The following WDR7 variants were observed in gnomAD, a reference collection of about 807,000 sequenced individuals.
WDR7 encodes WD repeat-containing protein 7.
WDR7 carries 46 observed loss-of-function variants against 169.4 expected under a neutral mutation model. The ratio of observed to expected loss-of-function variants is 0.27; its 90% CI spans 0.21 to 0.35. WDR7 has a LOEUF of 0.35. Among genes scored for constraint, WDR7 ranks in the 10% least tolerant of loss-of-function variants. The pLI is 1.00. For synonymous variants in WDR7, 612 were observed against 666.8 expected (o/e 0.92, Z 1.27); for missense variants, 1,534 against 1,859.3 (o/e 0.83, Z 3.22).
chr18:56,789,221 A>C (rs536936916), intron 19 of WDR7, among the ~76,000 whole-genome samples: 138 of 152,368 alleles, frequency 9.1e-4, no homozygotes, highest in Middle Eastern at 3.4e-3. Context: ...TTGAGTTAAC[A>C]TTTAATATTC....
intron 19 of WDR7, among the ~76,000 whole-genome samples, chr18:56,784,927 T>TG (rs902329018): frequency 1.3e-5 from 2 of 152,128 alleles, no homozygotes; most frequent in African/African-American, 4.8e-5. Context: ...GTTTTTTTTT[T>TG]TGTGAAAGAC....
At position 56,988,682 on chromosome 18, in the gene WDR7, T is replaced by TA. The variant is rs757600407; in HGVS notation, c.4164+26161dup. 1.2e-4 allele frequency among the ~76,000 whole-genome samples: 18 copies of TA among 147,120 alleles called. No homozygotes were observed. The East Asian group carries it at 3.1e-3, about 25-fold the overall frequency. On this transcript the variant is annotated intron_variant, in intron 26 of 27. Transcript: ENST00000254442. ...CAGCAGTTAATAGACCCTACTCCAATAAAAAAAATTGGGCATTCTTATAAA... is the reference window on the plus strand; with the variant it reads ...CAGCAGTTAATAGACCCTACTCCAATAAAAAAAAATTGGGCATTCTTATAAA...
intron 27 of WDR7, among the ~76,000 whole-genome samples, chr18:57,023,123 G>A (rs1362016097): frequency 1.3e-5 from 2 of 152,192 alleles, no homozygotes; most frequent in Non-Finnish European, 2.9e-5. Flanking sequence ...ACAAAAACAA[G>A]TCCTTTCAGC....
At chr18:56,757,417 A>G in intron 15 of WDR7, 65 bp downstream of exon 15, 1 of 1,423,290 alleles carries the variant, frequency 7.0e-7, no homozygotes. Flanking sequence ...TTATTTTTTC[A>G]TTGTTGATTA....
At chr18:56,681,466 G>A in intron 4 of WDR7, 75 bp downstream of exon 4, 1 of 982,766 alleles carries the variant, frequency 1.0e-6, no homozygotes, top group Non-Finnish European at 1.4e-6. Flanking sequence ...AAAACATTGA[G>A]CCTATATTTT....
chr18:56,701,354 TTTTA>T (rs1333196319), intron 12 of WDR7, among the ~76,000 whole-genome samples: 3 of 152,264 alleles, frequency 2.0e-5, no homozygotes, highest in Non-Finnish European at 4.4e-5. Context: ...ATTTCTGTTT[TTTTA>T]AGAGTATATA....
At chr18:56,736,615 C>T (rs938316090) in intron 14 of WDR7, among the ~76,000 whole-genome samples, 4 of 151,040 alleles carry the variant, frequency 2.6e-5, no homozygotes, top group Non-Finnish European at 5.9e-5. Flanking sequence ...TACAGTTTGT[C>T]AGAGAAATGA....
At chr18:57,011,378 A>G (rs2048134237) in intron 26 of WDR7, among the ~76,000 whole-genome samples, 1 of 152,248 alleles carries the variant, frequency 6.6e-6, no homozygotes, top group Non-Finnish European at 1.5e-5. Flanking sequence ...AGAAATAAAG[A>G]GAGCCTGTTT....
chr18:56,977,897 T>C (rs2047589981), intron 26 of WDR7, among the ~76,000 whole-genome samples: 1 of 152,208 alleles, frequency 6.6e-6, no homozygotes, highest in African/African-American at 2.4e-5. Context: ...ATTGTTACTG[T>C]GTTGCTGTAA....
At chr18:56,754,260 T>C (rs1038625477) in intron 14 of WDR7, among the ~76,000 whole-genome samples, 1 of 143,004 alleles carries the variant, frequency 7.0e-6, no homozygotes, top group African/African-American at 2.6e-5. Flanking sequence ...TGTGTGTGTG[T>C]GTGTGTGTGT....
At chr18:56,697,416 C>T (rs182215366) in intron 12 of WDR7, among the ~76,000 whole-genome samples, 1 of 152,234 alleles carries the variant, frequency 6.6e-6, no homozygotes, top group East Asian at 1.9e-4. Context: ...ATATTGGTGG[C>T]TTTGTAAGAA....
chr18:56,842,607 C>G (rs1258222173), intron 20 of WDR7, among the ~76,000 whole-genome samples: 1 of 149,368 alleles, frequency 6.7e-6, no homozygotes, highest in East Asian at 1.9e-4. Flanking sequence ...GTAAAGGATT[C>G]GTAGTACTTC....
intron 20 of WDR7, among the ~76,000 whole-genome samples, chr18:56,867,432 G>T (rs533440647): frequency 6.6e-6 from 1 of 152,164 alleles, no homozygotes; most frequent in Admixed American, 6.5e-5. Flanking sequence ...ATATTTTCCA[G>T]GTTTTTACAT....
chr18:57,004,375 T>C (rs1480882297), intron 26 of WDR7, among the ~76,000 whole-genome samples: 1 of 152,112 alleles, frequency 6.6e-6, no homozygotes, highest in East Asian at 1.9e-4. Flanking sequence ...GCTTGGACCT[T>C]GAAATGCTTT....
At chr18:56,921,791 T>A (rs2046725352) in intron 21 of WDR7, among the ~76,000 whole-genome samples, 1 of 152,172 alleles carries the variant, frequency 6.6e-6, no homozygotes, top group East Asian at 1.9e-4. Context: ...CGACCACTTA[T>A]TGTTTATTTT....
intron 12 of WDR7, among the ~76,000 whole-genome samples, chr18:56,707,032 A>G (rs2025973611): frequency 1.3e-5 from 2 of 150,594 alleles, no homozygotes; most frequent in Admixed American, 6.7e-5. Flanking sequence ...CCCAGGCTGG[A>G]GTGCAGTGGT....
At chr18:56,926,762 A>G (rs1181865312) in intron 22 of WDR7, among the ~76,000 whole-genome samples, 4 of 152,220 alleles carry the variant, frequency 2.6e-5, no homozygotes, top group Non-Finnish European at 4.4e-5. Context: ...TTTCATCATG[A>G]TAAATTGCAT....
rs142926564 is a variant in WDR7, at chr18:56,977,536, A to C, written c.4164+15007A>C. 2.8e-3 allele frequency among the ~76,000 whole-genome samples: 422 copies of C among 152,346 alleles called. 2 individuals are homozygous for C. The highest frequency in any genetic ancestry group is 9.6e-3 in the African/African-American group (398 of 41,584). ...CAGCTGATCTGTGTTCCTGCTTTAGAGTGAGCTGTTAAGCAGCTTGTAGAC... is the reference window on the plus strand; with the variant it reads ...CAGCTGATCTGTGTTCCTGCTTTAGCGTGAGCTGTTAAGCAGCTTGTAGAC... On this transcript the variant is annotated intron_variant, in intron 26 of 27. Coordinates refer to ENST00000254442, the MANE Select transcript of WDR7 (RefSeq NM_015285.3).
Position 56,738,858 on chromosome 18 carries a change from CATT to C in WDR7, c.1989+7264_1989+7266del, listed in dbSNP as rs1470493402. Among the ~76,000 whole-genome samples, 5 of 98,898 alleles carry C rather than the reference CATT, an allele frequency of 5.1e-5. No homozygotes were observed. The Admixed American group carries it at 7.7e-4, about 15-fold the overall frequency. 64.9% of individuals were successfully genotyped at this position (98,898 alleles called of 152,430 possible). On this transcript the variant is annotated intron_variant, in intron 14 of 27. Coordinates refer to ENST00000254442, the MANE Select transcript of WDR7 (RefSeq NM_015285.3). ...GTTGTTTAACTTTTTGAATAGGAAA[CATT>C]ATGATTCCTATCTTTTAATTAAGAT...
Sources: gnomAD v4.1 joint callset for allele counts (sites outside exome capture counted in the v4.1 genomes callset) on GRCh38, gnomAD v4.1.1 for gene constraint, MANE v1.5 for transcripts, NCBI Gene and HGNC (gene_info 2026-07-23, HGNC 2026-07-21) for gene names.